Variants in ADGRL4 observed in about 807,000 individuals in gnomAD.
ADGRL4 encodes the protein adhesion G protein-coupled receptor L4.
ADGRL4 carries 90 observed loss-of-function variants against 74.8 expected under a neutral mutation model. The observed-to-expected ratio is 1.20, with a 90% confidence interval of 1.02 to 1.43. ADGRL4 has a LOEUF of 1.43. Ranked by LOEUF, ADGRL4 falls within the 40% of genes most tolerant of loss-of-function variation. The pLI is 0.00. For synonymous variants in ADGRL4, 311 were observed against 279.2 expected, an observed-to-expected ratio of 1.11 and a Z score of -1.14; for missense variants, 881 against 814.3, an observed-to-expected ratio of 1.08 and a Z score of -1.00.
chr1:78,945,175 A>ATATAT (rs1553136478), intron 3 of ADGRL4, among the ~76,000 whole-genome samples: 13 of 108,960 alleles, frequency 1.2e-4, no homozygotes, highest in African/African-American at 4.5e-4. Flanking sequence ...AAAAAAAAAA[A>ATATAT]AAATATATAT....
At chr1:78,969,456 C>G (rs1419567880) in intron 2 of ADGRL4, among the ~76,000 whole-genome samples, 2 of 152,146 alleles carry the variant, frequency 1.3e-5, no homozygotes, top group East Asian at 3.9e-4. Flanking sequence ...GGTCCAGGAG[C>G]TCCAAGTTTA....
chr1:78,910,667 T>A (rs1648744570), intron 12 of ADGRL4, among the ~76,000 whole-genome samples: 1 of 151,830 alleles, frequency 6.6e-6, no homozygotes, highest in South Asian at 2.1e-4. Flanking sequence ...GAATTGAGCA[T>A]TGAAGATTAA....
chr1:78,933,831 T>C (rs898874236), intron 7 of ADGRL4, among the ~76,000 whole-genome samples: 3 of 147,106 alleles, frequency 2.0e-5, no homozygotes, highest in East Asian at 1.9e-4. Context: ...CCATTCACAA[T>C]TGCTACAAAG....
At chr1:78,998,719 G>T (rs1399185205) in intron 2 of ADGRL4, among the ~76,000 whole-genome samples, 1 of 152,020 alleles carries the variant, frequency 6.6e-6, no homozygotes, top group Non-Finnish European at 1.5e-5. Context: ...AATGTAGCAG[G>T]GAAAAGGCAG....
At chr1:78,999,000 A>G (rs959253564) in intron 2 of ADGRL4, among the ~76,000 whole-genome samples, 1 of 152,146 alleles carries the variant, frequency 6.6e-6, no homozygotes. Flanking sequence ...TCAATATATA[A>G]TTTTTTTATT....
intron 2 of ADGRL4, among the ~76,000 whole-genome samples, chr1:78,993,561 G>C (rs1178251832): frequency 7.9e-6 from 1 of 127,284 alleles, no homozygotes; most frequent in Non-Finnish European, 1.6e-5. Flanking sequence ...ATGACTCTAA[G>C]CAAAAATTCC....
chr1:78,986,914 A>T (rs1194240992), intron 2 of ADGRL4, among the ~76,000 whole-genome samples: 1 of 151,792 alleles, frequency 6.6e-6, no homozygotes, highest in Admixed American at 6.6e-5. Context: ...ACCACAAGGG[A>T]GGTGTTCTGT....
At chr1:78,980,781 CT>C (rs1309980500) in intron 2 of ADGRL4, among the ~76,000 whole-genome samples, 1 of 151,952 alleles carries the variant, frequency 6.6e-6, no homozygotes, top group Non-Finnish European at 1.5e-5. Context: ...AGAAACTACA[CT>C]ATTTATAAAA....
At chr1:78,903,176 C>T (rs1470422423) in intron 12 of ADGRL4, among the ~76,000 whole-genome samples, 2 of 152,134 alleles carry the variant, frequency 1.3e-5, no homozygotes, top group Admixed American at 6.6e-5. Context: ...ATTTGTTCCT[C>T]AAGGTGGAGG....
At chr1:78,894,973 T>G (rs931431743) in intron 12 of ADGRL4, among the ~76,000 whole-genome samples, 1 of 151,994 alleles carries the variant, frequency 6.6e-6, no homozygotes, top group Non-Finnish European at 1.5e-5. Context: ...GGATATGCTC[T>G]TCTACATCAC....
intron 2 of ADGRL4, among the ~76,000 whole-genome samples, chr1:78,962,028 G>A (rs1356082697): frequency 1.3e-5 from 2 of 152,034 alleles, no homozygotes; most frequent in African/African-American, 2.4e-5. Context: ...TTGCAGGCAT[G>A]CGCCATCACA....
Position 78,946,446 on chromosome 1 carries a change from A to G in ADGRL4, c.173-20T>C. 6.3e-7 allele frequency: 1 copy of G among 1,577,976 alleles called. No individual in the cohort carries two copies. Among genetic ancestry groups the G allele is most frequent in the Non-Finnish European group, 8.6e-7 (1 of 1,161,186 alleles). ...TATCATCTGTTGGCATATGAATTTA[A>G]AAGATTATTTTTATATAATTGACAT... is the stretch of plus-strand genomic sequence containing the variant. On this transcript the variant is annotated intron_variant, in intron 2 of 14. Transcript: ENST00000370742.
rs573254643 is a variant in ADGRL4 at position 78,979,542 on chromosome 1, G to T, written c.172+25528C>A. Among the ~76,000 whole-genome samples the T allele has an allele frequency of 2.3e-4, 35 of 151,894 alleles. No individual in the cohort carries two copies. In the South Asian group the frequency reaches 6.0e-3, roughly 26 times the overall value. The stretch of plus-strand genomic sequence containing the variant: ...CTACCATTTCATCCAGCAATCCCAC[G>T]ACTGGGTATCTGCCCAAAGGAAAAG... On this transcript the variant is annotated intron_variant, in intron 2 of 14. Coordinates refer to ENST00000370742, the MANE Select transcript of ADGRL4 (RefSeq NM_022159.4).
intron 2 of ADGRL4, among the ~76,000 whole-genome samples, chr1:78,979,277 C>G (rs17102553): frequency 0.016 from 2,363 of 152,020 alleles, 64 homozygotes; most frequent in African/African-American, 0.054. Flanking sequence ...AAATCCCATA[C>G]CTTGATTTAT....
intron 2 of ADGRL4, among the ~76,000 whole-genome samples, chr1:78,948,466 G>A (rs561674767): frequency 4.9e-4 from 75 of 152,134 alleles, no homozygotes; most frequent in Non-Finnish European, 9.0e-4. Context: ...TTCAGATTTA[G>A]CATTTGGCCA....
chr1:78,914,948 A>G (rs148079061), intron 12 of ADGRL4, among the ~76,000 whole-genome samples: 1 of 151,908 alleles, frequency 6.6e-6, no homozygotes, highest in Non-Finnish European at 1.5e-5. Flanking sequence ...CTTCACTTTG[A>G]TGGTATGCAT....
intron 2 of ADGRL4, among the ~76,000 whole-genome samples, chr1:78,973,475 G>A (rs984951191): frequency 6.6e-6 from 1 of 151,372 alleles, no homozygotes; most frequent in Admixed American, 6.6e-5. Context: ...AATACTTTAT[G>A]AGCAAGTATG....
chr1:78,907,047 C>A (rs1480872498), intron 12 of ADGRL4, among the ~76,000 whole-genome samples: 1 of 151,978 alleles, frequency 6.6e-6, no homozygotes, highest in Non-Finnish European at 1.5e-5. Flanking sequence ...ATTGTTTGTA[C>A]TCTTCACTAT....
intron 2 of ADGRL4, among the ~76,000 whole-genome samples, chr1:78,994,628 G>C (rs968632807): frequency 6.6e-6 from 1 of 152,144 alleles, no homozygotes; most frequent in African/African-American, 2.4e-5. Context: ...TTACTTTAGA[G>C]AGCATGATTA....
Sources: allele counts gnomAD v4.1 joint callset (sites outside exome capture counted in the v4.1 genomes callset), GRCh38; gene constraint gnomAD v4.1.1; transcripts MANE v1.5; gene names NCBI Gene and HGNC (gene_info 2026-07-23, HGNC 2026-07-21).